The following ARHGAP44 variants were observed in gnomAD, a reference collection of about 807,000 sequenced individuals.
ARHGAP44 encodes rho GTPase-activating protein 44.
Under a neutral mutation model 106.8 loss-of-function variants are expected in ARHGAP44, and 43 were observed. The observed-to-expected ratio is 0.40, with a 90% confidence interval of 0.32 to 0.52. The LOEUF (loss-of-function observed/expected upper bound fraction) is 0.52. ARHGAP44 is among the 20% of genes least tolerant of loss of function. The pLI is 0.48. For missense variants in ARHGAP44, 866 were observed against 1,050.5 expected (o/e 0.82, Z 2.43); for synonymous variants, 439 against 410.3 (o/e 1.07, Z -0.85).
chr17:12,925,327 T>G (rs1316844333), intron 6 of ARHGAP44, among the ~76,000 whole-genome samples: 3 of 152,198 alleles, frequency 2.0e-5, no homozygotes. Context: ...GGCCACTCAC[T>G]GCCTGGGTCA....
At chr17:12,902,237 C>T (rs750971155) in intron 3 of ARHGAP44, among the ~76,000 whole-genome samples, 3 of 152,226 alleles carry the variant, frequency 2.0e-5, no homozygotes, top group Admixed American at 6.5e-5. Flanking sequence ...CTGTGCTCAC[C>T]TGGTACTGAG....
intron 9 of ARHGAP44, 38 bp downstream of exon 9, chr17:12,943,707 G>T (rs760042550): frequency 2.5e-6 from 4 of 1,597,686 alleles, no homozygotes; most frequent in African/African-American, 1.3e-5. Flanking sequence ...GAGGGCCGGG[G>T]TGCCTGCTTG....
intron 1 of ARHGAP44, among the ~76,000 whole-genome samples, chr17:12,859,449 A>G (rs12941385): frequency 0.66 from 99,568 of 151,664 alleles, 33,603 homozygotes; most frequent in East Asian, 0.79. Context: ...TTTTCCTGGC[A>G]TGAACCCGTT....
chr17:12,948,725 C>CACACACACAG (rs1197883829), intron 10 of ARHGAP44, among the ~76,000 whole-genome samples: 2 of 149,346 alleles, frequency 1.3e-5, no homozygotes, highest in Non-Finnish European at 3.0e-5. Flanking sequence ...AACACACATA[C>CACACACACAG]ACACACACAC....
intron 3 of ARHGAP44, among the ~76,000 whole-genome samples, chr17:12,907,454 C>A (rs2037588547): frequency 6.6e-6 from 1 of 152,192 alleles, no homozygotes; most frequent in African/African-American, 2.4e-5. Context: ...GAACCCCATA[C>A]CCATTAAGCA....
chr17:12,875,669 C>T (rs1475169651), intron 1 of ARHGAP44, among the ~76,000 whole-genome samples: 2 of 151,962 alleles, frequency 1.3e-5, no homozygotes, highest in East Asian at 2.0e-4. Context: ...TTAGGCTGGG[C>T]GCAGTGGCTC....
intron 3 of ARHGAP44, among the ~76,000 whole-genome samples, chr17:12,907,633 G>A (rs930060652): frequency 6.6e-6 from 1 of 152,152 alleles, no homozygotes; most frequent in Non-Finnish European, 1.5e-5. Flanking sequence ...ATTCATCTGT[G>A]TTGTACCATG....
chr17:12,898,499 G>C (rs946588827), intron 3 of ARHGAP44, among the ~76,000 whole-genome samples: 2 of 152,174 alleles, frequency 1.3e-5, no homozygotes, highest in Middle Eastern at 3.2e-3. Context: ...TGAGAAAAAG[G>C]CACTTAATTG....
At chr17:12,882,816 A>G (rs1941484168) in intron 1 of ARHGAP44, among the ~76,000 whole-genome samples, 1 of 152,010 alleles carries the variant, frequency 6.6e-6, no homozygotes, top group Admixed American at 6.6e-5. Flanking sequence ...TTTTTTTAGG[A>G]CTTCTGTGTC....
chr17:12,811,910 C>A (rs1165225117), intron 1 of ARHGAP44, among the ~76,000 whole-genome samples: 1 of 152,204 alleles, frequency 6.6e-6, no homozygotes, highest in Non-Finnish European at 1.5e-5. Context: ...TACCCTACTT[C>A]CACTACAACC....
chr17:12,809,118 G>A (rs2034364389), intron 1 of ARHGAP44, among the ~76,000 whole-genome samples: 1 of 152,104 alleles, frequency 6.6e-6, no homozygotes, highest in South Asian at 2.1e-4. Context: ...TTCCCAACAG[G>A]TTCTTCATCT....
chr17:12,955,755 G>A (rs957214741), intron 13 of ARHGAP44, 112 bp from the exon 14 acceptor site: 15 of 636,002 alleles, frequency 2.4e-5, no homozygotes, highest in African/African-American at 3.7e-5. Context: ...GCAGGTGCAC[G>A]AGTCTCCTAG....
In ARHGAP44 at chr17:12,955,960, CCTA is replaced by C; in HGVS notation, c.1231_1233del (p.Leu411del). 6.2e-7 allele frequency: 1 copy of C among 1,612,904 alleles called. No individual in the cohort carries two copies. Among genetic ancestry groups the C allele is most frequent in the Non-Finnish European group, 8.5e-7 (1 of 1,179,358 alleles). On this transcript the variant is annotated inframe_deletion, in exon 14 of 21. Coordinates refer to ENST00000379672, the MANE Select transcript of ARHGAP44 (RefSeq NM_014859.6). Reference sequence around the variant, plus strand: ...TGGCAATTGTTTTAGGACCCAACCTCCTATGGCCACAAGCAGAAGGGTAAGTAC... The same window carrying C: ...TGGCAATTGTTTTAGGACCCAACCTCTGGCCACAAGCAGAAGGGTAAGTAC...
intron 3 of ARHGAP44, among the ~76,000 whole-genome samples, chr17:12,903,809 A>G (rs1225252999): frequency 6.6e-6 from 1 of 152,092 alleles, no homozygotes; most frequent in Non-Finnish European, 1.5e-5. Flanking sequence ...TCTGTAGAAG[A>G]CTGGATATCA....
At chr17:12,856,010 A>T (rs1033109865) in intron 1 of ARHGAP44, among the ~76,000 whole-genome samples, 4 of 152,210 alleles carry the variant, frequency 2.6e-5, no homozygotes, top group African/African-American at 9.6e-5. Context: ...TCTTAAAAGG[A>T]CTCAGCAGTA....
chr17:12,850,793 G>C (rs2035718492), intron 1 of ARHGAP44, among the ~76,000 whole-genome samples: 1 of 152,154 alleles, frequency 6.6e-6, no homozygotes, highest in Non-Finnish European at 1.5e-5. Context: ...TGCCTCTAGG[G>C]CCTAGGTCAG....
At chr17:12,846,388 A>G (rs1180468726) in intron 1 of ARHGAP44, among the ~76,000 whole-genome samples, 4 of 152,120 alleles carry the variant, frequency 2.6e-5, no homozygotes, top group African/African-American at 7.2e-5. Context: ...CTGTGCACGC[A>G]TCTGTTTGTG....
chr17:12,903,120 GAGAGAGGA>G (rs1350671854), intron 3 of ARHGAP44, among the ~76,000 whole-genome samples: 7 of 80,302 alleles, frequency 8.7e-5, no homozygotes, highest in African/African-American at 3.7e-4. Context: ...GAGAGAGAGA[GAGAGAGGA>G]GAGAGAGAGA....
At chr17:12,841,594 T>TCTCTCTCTCACACACACA (rs1417307080) in intron 1 of ARHGAP44, among the ~76,000 whole-genome samples, 7 of 126,580 alleles carry the variant, frequency 5.5e-5, no homozygotes, top group African/African-American at 1.0e-4. Context: ...TGTCTCTCTC[T>TCTCTCTCTCACACACACA]CACACACACA....
Sources: allele counts gnomAD v4.1 joint callset (sites outside exome capture counted in the v4.1 genomes callset), GRCh38; gene constraint gnomAD v4.1.1; transcripts MANE v1.5; gene names NCBI Gene and HGNC (gene_info 2026-07-23, HGNC 2026-07-21).